CNTN4: variants seen among roughly 807,000 people sequenced by gnomAD.
CNTN4 encodes the protein contactin-4.
Under a neutral mutation model 122.5 loss-of-function variants are expected in CNTN4, and 77 were observed. That is an observed-to-expected ratio of 0.63 (90% confidence interval 0.52 to 0.76). The LOEUF is 0.76. CNTN4 is among the 30% of genes least tolerant of loss of function. CNTN4 has a pLI of 0.00. For synonymous variants in CNTN4, 512 were observed against 447.0 expected (o/e 1.15, Z -1.83); for missense variants, 1,256 against 1,259.1 (o/e 1.00, Z 0.04).
At chr3:2,909,391 A>G (rs1435346791) in intron 12 of CNTN4, among the ~76,000 whole-genome samples, 1 of 152,126 alleles carries the variant, frequency 6.6e-6, no homozygotes, top group Non-Finnish European at 1.5e-5. Flanking sequence ...TTGCAAACCT[A>G]AAGGTGTTTA....
chr3:2,292,559 A>G (rs2042171838), intron 2 of CNTN4, among the ~76,000 whole-genome samples: 1 of 152,182 alleles, frequency 6.6e-6, no homozygotes, highest in Non-Finnish European at 1.5e-5. Context: ...AAGTTCTTTT[A>G]TGTCCCTTTT....
At chr3:2,257,933 C>T (rs1486431508) in intron 2 of CNTN4, among the ~76,000 whole-genome samples, 1 of 152,020 alleles carries the variant, frequency 6.6e-6, no homozygotes, top group Non-Finnish European at 1.5e-5. Flanking sequence ...CGTGGTGGTG[C>T]ACGTCTGTAA....
intron 13 of CNTN4, among the ~76,000 whole-genome samples, chr3:2,966,010 G>A (rs987888923): frequency 2.0e-5 from 3 of 152,026 alleles, no homozygotes; most frequent in Admixed American, 2.0e-4. Flanking sequence ...TGGTGATAGT[G>A]GAAATTCACC....
At chr3:2,776,042 C>T (rs1483986570) in intron 6 of CNTN4, among the ~76,000 whole-genome samples, 1 of 152,104 alleles carries the variant, frequency 6.6e-6, no homozygotes, top group South Asian at 2.1e-4. Context: ...ATGTGTCAAC[C>T]TTAATAACCG....
intron 10 of CNTN4, among the ~76,000 whole-genome samples, chr3:2,893,306 G>T (rs1186790239): frequency 6.6e-6 from 1 of 152,164 alleles, no homozygotes; most frequent in Admixed American, 6.5e-5. Context: ...TTACAGCAGA[G>T]CATACTAATT....
intron 2 of CNTN4, among the ~76,000 whole-genome samples, chr3:2,180,530 T>C (rs1215951724): frequency 2.0e-5 from 3 of 152,070 alleles, no homozygotes; most frequent in African/African-American, 7.2e-5. Context: ...CTTCCCTGAA[T>C]ACTGTGTAAA....
At chr3:2,918,667 G>C (rs577824884) in intron 12 of CNTN4, among the ~76,000 whole-genome samples, 1 of 152,136 alleles carries the variant, frequency 6.6e-6, no homozygotes, top group Non-Finnish European at 1.5e-5. Context: ...TTATTTTATT[G>C]TTTTGTTTTA....
chr3:2,586,258 TTTGTTG>T (rs1305424826), intron 4 of CNTN4, among the ~76,000 whole-genome samples: 1 of 152,134 alleles, frequency 6.6e-6, no homozygotes, highest in African/African-American at 2.4e-5. Flanking sequence ...ATTCTCCATT[TTTGTTG>T]TTGTTGTTTG....
At chr3:2,607,643 C>T (rs2081315841) in intron 4 of CNTN4, among the ~76,000 whole-genome samples, 1 of 150,180 alleles carries the variant, frequency 6.7e-6, no homozygotes, top group Non-Finnish European at 1.5e-5. Flanking sequence ...ATGGCTAATA[C>T]AGTATAAAAA....
chr3:2,167,605 T>G (rs1261875369), intron 2 of CNTN4, among the ~76,000 whole-genome samples: 2 of 152,128 alleles, frequency 1.3e-5, no homozygotes, highest in African/African-American at 4.8e-5. Context: ...CCAAGACAAA[T>G]GATGTAATAT....
chr3:2,340,488 C>G (rs1019284294), intron 3 of CNTN4, among the ~76,000 whole-genome samples: 2 of 150,782 alleles, frequency 1.3e-5, no homozygotes, highest in African/African-American at 2.4e-5. Context: ...AAATAATAAT[C>G]CTGGACATCA....
intron 4 of CNTN4, among the ~76,000 whole-genome samples, chr3:2,710,388 G>C (rs1010520431): frequency 6.6e-5 from 10 of 152,092 alleles, no homozygotes. Flanking sequence ...GCTTTATTCT[G>C]GCTTTTGTTG....
At chr3:2,110,805 C>G (rs1311041141) in intron 2 of CNTN4, among the ~76,000 whole-genome samples, 1 of 152,016 alleles carries the variant, frequency 6.6e-6, no homozygotes, top group Non-Finnish European at 1.5e-5. Context: ...TCAGCTTTAC[C>G]TCTCTACTTC....
chr3:2,786,705 T>G (rs1327560753), intron 6 of CNTN4, among the ~76,000 whole-genome samples: 1 of 152,214 alleles, frequency 6.6e-6, no homozygotes, highest in Non-Finnish European at 1.5e-5. Context: ...TTTAAAAAGC[T>G]TCTACTGGAG....
At chr3:2,703,178 A>C (rs2086454795) in intron 4 of CNTN4, among the ~76,000 whole-genome samples, 1 of 152,216 alleles carries the variant, frequency 6.6e-6, no homozygotes, top group East Asian at 1.9e-4. Flanking sequence ...TGTGCATTTC[A>C]CAAGAGCAGA....
At chr3:2,910,473 A>G (rs1481724116) in intron 12 of CNTN4, among the ~76,000 whole-genome samples, 1 of 152,234 alleles carries the variant, frequency 6.6e-6, no homozygotes, top group Admixed American at 6.5e-5. Context: ...TCTTAAAAGA[A>G]GAAAAGTTTG....
At chr3:2,574,531 C>T (rs899539) in intron 4 of CNTN4, among the ~76,000 whole-genome samples, 151,203 of 152,240 alleles carry the variant, frequency 0.99, 75,100 homozygotes, top group East Asian at 1. Flanking sequence ...TGTTCTTTTT[C>T]GCCAGATGAC....
intron 6 of CNTN4, among the ~76,000 whole-genome samples, chr3:2,781,565 G>A (rs927403483): frequency 2.0e-5 from 3 of 152,116 alleles, no homozygotes; most frequent in Non-Finnish European, 4.4e-5. Flanking sequence ...GAGGTCCTGA[G>A]AACATGTGCC....
At chr3:2,521,246 T>C (rs181189877) in intron 3 of CNTN4, among the ~76,000 whole-genome samples, 39 of 152,172 alleles carry the variant, frequency 2.6e-4, no homozygotes, top group Admixed American at 1.4e-3. Flanking sequence ...CAAACTCTTA[T>C]TTGTTTGAAG....
Sources: allele counts gnomAD v4.1 joint callset (sites outside exome capture counted in the v4.1 genomes callset), GRCh38; gene constraint gnomAD v4.1.1; transcripts MANE v1.5; gene names NCBI Gene and HGNC (gene_info 2026-07-23, HGNC 2026-07-21).